The following BAG4 variants were observed in gnomAD, a reference collection of about 807,000 sequenced individuals.
The protein encoded by BAG4 is BAG cochaperone 4.
BAG4 carries 28 observed loss-of-function variants against 52.1 expected under a neutral mutation model. The observed-to-expected ratio is 0.54, with a 90% CI of 0.40 to 0.74. BAG4 has a LOEUF of 0.74. Ranked by LOEUF, BAG4 falls within the 30% of genes least tolerant of loss-of-function variation. BAG4 has a pLI of 0.00. For missense variants in BAG4, 525 were observed against 572.0 expected (o/e 0.92, Z 0.84); for synonymous variants, 208 against 217.0 (o/e 0.96, Z 0.37).
chr8:38,205,398 G>GATTTT (rs1190787883), intron 2 of BAG4, among the ~76,000 whole-genome samples: 1 of 151,786 alleles, frequency 6.6e-6, no homozygotes, highest in African/African-American at 2.4e-5. Flanking sequence ...TCAATGAATA[G>GATTTT]TCTTTAATCT....
At chr8:38,203,434 C>A (rs1803716223) in intron 2 of BAG4, among the ~76,000 whole-genome samples, 2 of 151,982 alleles carry the variant, frequency 1.3e-5, no homozygotes, top group Admixed American at 1.3e-4. Context: ...AGTCGCCTGC[C>A]ACCACGCCCA....
intron 3 of BAG4, 44 bp from the exon 4 acceptor site, chr8:38,208,969 T>C: frequency 1.9e-6 from 3 of 1,577,608 alleles, no homozygotes; most frequent in Non-Finnish European, 2.6e-6. Context: ...ATTTTTATTA[T>C]AAGTTTTTCA....
Position 38,210,090 on chromosome 8 carries a change from C to G in BAG4, c.971C>G (p.Ser324Trp). 6.2e-7 allele frequency: 1 copy of G among 1,614,134 alleles called. No homozygotes were observed. Among genetic ancestry groups the G allele is most frequent in the Non-Finnish European group, 8.5e-7 (1 of 1,180,032 alleles). The change falls in exon 5 of 5, where the codon TCG becomes TGG. Residue 324 changes from serine to tryptophan, a missense_variant. Coordinates refer to ENST00000287322, the MANE Select transcript of BAG4 (RefSeq NM_004874.4). ...FPCSVHQYES[S>W]GTVNNDDSDL... ...TGCAGTGTCCATCAGTACGAATCCT[C>G]GGGGACAGTGAACAATGATGATTCA...
At chr8:38,178,163 T>G (rs186984154) in intron 1 of BAG4, among the ~76,000 whole-genome samples, 1 of 151,790 alleles carries the variant, frequency 6.6e-6, no homozygotes, top group East Asian at 1.9e-4. Flanking sequence ...TTTTTTGTTT[T>G]TTTTTTTTTT....
At chr8:38,179,056 C>T (rs1389438620) in intron 1 of BAG4, among the ~76,000 whole-genome samples, 3 of 152,156 alleles carry the variant, frequency 2.0e-5, no homozygotes, top group Admixed American at 1.3e-4. Context: ...CTAAAAACTA[C>T]TGAATTGTAC....
At chr8:38,197,553 G>C (rs1174869663) in intron 2 of BAG4, among the ~76,000 whole-genome samples, 1 of 152,192 alleles carries the variant, frequency 6.6e-6, no homozygotes, top group Non-Finnish European at 1.5e-5. Context: ...GTCAGTGAGT[G>C]AGTGGTGAGT....
In BAG4 at chr8:38,181,228, C is replaced by CT. The variant is rs568888187; in HGVS notation, c.270+4100dup. ...ACAGGCGTGAGCCACCGCGCCCAGC[C>CT]TTTTTTTTTTTAAATTTTTTTTTGA... On this transcript the variant is annotated intron_variant, in intron 1 of 4. Transcript: ENST00000287322. Among the ~76,000 whole-genome samples, 497 of 142,906 alleles carry CT rather than the reference C, an allele frequency of 3.5e-3. 4 individuals are homozygous for CT. Among genetic ancestry groups the CT allele is most frequent in the Middle Eastern group, 0.022 (6 of 268 alleles). The allele number at this position is 142,906 out of a possible 152,430, so 93.8% of individuals were successfully genotyped here.
intron 1 of BAG4, among the ~76,000 whole-genome samples, chr8:38,186,175 C>T (rs1585653087): frequency 6.6e-6 from 1 of 152,190 alleles, no homozygotes; most frequent in African/African-American, 2.4e-5. Flanking sequence ...TTCACCCAGT[C>T]CCTACTCCTA....
Position 38,192,760 on chromosome 8 carries a change from A to G in BAG4, c.343A>G (p.Ser115Gly), listed in dbSNP as rs1186323998. ...STARSRAPYP[S>G]TYPVRPELQG... is the part of the protein sequence containing the mutation. ...TGCGAGATCTAGGGCTCCTTACCCA[A>G]GTACATATCCTGTAAGACCAGAATT... Residue 115 changes from serine to glycine, a missense_variant, in exon 2 of 5, where the codon AGT (serine) becomes GGT (glycine). Ser to Gly is a moderately conservative substitution (Grantham distance 56). Coordinates refer to ENST00000287322, the MANE Select transcript of BAG4 (RefSeq NM_004874.4). 6.2e-7 allele frequency: 1 copy of G among 1,613,304 alleles called. No individual in the cohort carries two copies. Among genetic ancestry groups the G allele is most frequent in the Non-Finnish European group, 8.5e-7 (1 of 1,179,644 alleles).
chr8:38,186,117 G>T (rs1202420582), intron 1 of BAG4, among the ~76,000 whole-genome samples: 1 of 152,118 alleles, frequency 6.6e-6, no homozygotes, highest in African/African-American at 2.4e-5. Flanking sequence ...GCCTGTCACT[G>T]AGGCAAAATT....
intron 2 of BAG4, among the ~76,000 whole-genome samples, chr8:38,205,315 G>A (rs1360860409): frequency 2.9e-5 from 4 of 135,732 alleles, no homozygotes; most frequent in Admixed American, 1.8e-4. Flanking sequence ...TTCCCAAAAC[G>A]CTGGGATTTT....
At chr8:38,191,867 T>G (rs188770039) in intron 1 of BAG4, among the ~76,000 whole-genome samples, 1 of 151,976 alleles carries the variant, frequency 6.6e-6, no homozygotes, top group Non-Finnish European at 1.5e-5. Context: ...CTCTGAGAAG[T>G]TTTGAGTATA....
In BAG4 at chr8:38,210,154, T is replaced by C. The variant is rs1399287830; in HGVS notation, c.1035T>C (p.Pro345=). 6.2e-7 allele frequency: 1 copy of C among 1,614,104 alleles called. No individual in the cohort carries two copies. The highest frequency in any genetic ancestry group is 8.5e-7 in the Non-Finnish European group (1 of 1,180,024). ...CCCAAGTCCAGTATAGTGCTGAGCC[T>C]CAGCTGTATGGTAATGCCACCAGTG... ...LDSQVQYSAE[P]QLYGNATSDH... The change falls in exon 5 of 5, where the codon CCT becomes CCC. Residue 345 remains proline (P), a synonymous_variant. Coordinates refer to ENST00000287322, the MANE Select transcript of BAG4 (RefSeq NM_004874.4).
chr8:38,183,860 TACA>T (rs1013900576), intron 1 of BAG4, among the ~76,000 whole-genome samples: 2 of 152,120 alleles, frequency 1.3e-5, no homozygotes, highest in African/African-American at 4.8e-5. Flanking sequence ...TGATTTCTGG[TACA>T]ACAAGATGTC....
At chr8:38,203,487 G>T (rs187839307) in intron 2 of BAG4, among the ~76,000 whole-genome samples, 44 of 152,120 alleles carry the variant, frequency 2.9e-4, no homozygotes, top group African/African-American at 9.9e-4. Context: ...GTTTCACCGT[G>T]TTAGCCAGGA....
Position 38,188,626 on chromosome 8 carries a change from CAT to C in BAG4, c.271-4054_271-4053del, listed in dbSNP as rs1302636994. On this transcript the variant is annotated intron_variant, in intron 1 of 4. Coordinates refer to ENST00000287322, the MANE Select transcript of BAG4 (RefSeq NM_004874.4). ...ATGTATACATATATATACATGTACA[CAT>C]ATATATACATATATACATGTATACA... is the stretch of plus-strand genomic sequence containing the variant. Among the ~76,000 whole-genome samples the C allele has an allele frequency of 1.3e-3, 190 of 146,518 alleles. 1 individual carries two copies. Among genetic ancestry groups the C allele is most frequent in the African/African-American group, 4.3e-3 (170 of 39,768 alleles).
In BAG4 at chr8:38,210,205, T is replaced by C; in HGVS notation, c.1086T>C (p.Ser362=). The C allele has an allele frequency of 1.9e-6, 3 of 1,614,176 alleles. No individual in the cohort carries two copies. The highest frequency in any genetic ancestry group is 2.5e-6 in the Non-Finnish European group (3 of 1,180,038). ...TSDHPNNQDQ[S]SSLPEECVPS... Reference sequence around the variant, plus strand: ...ACCATCCCAACAATCAAGATCAAAGTAGCAGTCTTCCTGAAGAATGTGTAC... The same window carrying C: ...ACCATCCCAACAATCAAGATCAAAGCAGCAGTCTTCCTGAAGAATGTGTAC... Residue 362 remains serine (S), a synonymous_variant, in exon 5 of 5, where the codon AGT becomes AGC. Coordinates refer to ENST00000287322, the MANE Select transcript of BAG4 (RefSeq NM_004874.4).
At chr8:38,191,508 C>T (rs758618745) in intron 1 of BAG4, among the ~76,000 whole-genome samples, 4 of 152,104 alleles carry the variant, frequency 2.6e-5, no homozygotes, top group Non-Finnish European at 5.9e-5. Context: ...CCTGTAATTC[C>T]AGCACTTTGG....
intron 1 of BAG4, among the ~76,000 whole-genome samples, chr8:38,187,392 T>C (rs531936411): frequency 6.6e-6 from 1 of 152,244 alleles, no homozygotes; most frequent in East Asian, 1.9e-4. Flanking sequence ...GATAGATCAA[T>C]ACAGATTATG....
Sources: allele counts gnomAD v4.1 joint callset (sites outside exome capture counted in the v4.1 genomes callset), GRCh38; gene constraint gnomAD v4.1.1; transcripts MANE v1.5; gene names NCBI Gene and HGNC (gene_info 2026-07-23, HGNC 2026-07-21).